Variants in KIAA0319L observed in about 807,000 individuals in gnomAD.
KIAA0319L encodes KIAA0319 like.
A neutral mutation model predicts 120.1 loss-of-function variants in KIAA0319L; 55 were observed. The observed-to-expected ratio is 0.46, with a 90% CI of 0.37 to 0.57. The LOEUF (loss-of-function observed/expected upper bound fraction) is 0.57, where lower values mean the gene tolerates loss of function less well. Among genes scored for constraint, KIAA0319L ranks in the 20% least tolerant of loss-of-function variants. The pLI, the probability that KIAA0319L is intolerant of heterozygous loss-of-function variation, is 0.00. For synonymous variants in KIAA0319L, 398 were observed against 471.9 expected (o/e 0.84, Z 2.03); for missense variants, 1,049 against 1,255.3 (o/e 0.84, Z 2.48).
At chr1:35,535,629 C>A (rs973133013) in intron 2 of KIAA0319L, among the ~76,000 whole-genome samples, 1 of 152,060 alleles carries the variant, frequency 6.6e-6, no homozygotes, top group Non-Finnish European at 1.5e-5. Flanking sequence ...TTAACATGAG[C>A]CTGGCATATA....
chr1:35,495,841 G>C (rs1308262754), intron 3 of KIAA0319L, among the ~76,000 whole-genome samples: 5 of 138,936 alleles, frequency 3.6e-5, no homozygotes, highest in Non-Finnish European at 7.5e-5. Context: ...TTTTAAAAAT[G>C]GGGAAAAATA....
chr1:35,472,786 C>CT lies in KIAA0319L; in HGVS notation c.1016-1827dup, dbSNP rs760880560. On this transcript the variant is annotated intron_variant, in intron 5 of 20. Transcript: ENST00000325722. ...GGACAGGAGAAAATAATCTATTTCC[C>CT]TTTTTTTTTTTTTTTTTAATGAGAT... Among the ~76,000 whole-genome samples the CT allele has an allele frequency of 5.1e-3, 712 of 139,180 alleles. 2 individuals carry two copies. Among genetic ancestry groups the CT allele is most frequent in the African/African-American group, 7.5e-3 (287 of 38,088 alleles). The allele number at this position is 139,180 out of a possible 152,430, so 91.3% of individuals were successfully genotyped here.
At chr1:35,439,867 A>C (rs1321315194) in intron 20 of KIAA0319L, 1 of 152,218 alleles carries the variant, frequency 6.6e-6, no homozygotes, top group Non-Finnish European at 1.5e-5. Context: ...GAGATCAGCA[A>C]AGAGAAAGAT....
intron 3 of KIAA0319L, among the ~76,000 whole-genome samples, chr1:35,504,341 C>G (rs768823830): frequency 2.6e-5 from 4 of 151,978 alleles, no homozygotes; most frequent in Non-Finnish European, 5.9e-5. Context: ...GGACTACAGG[C>G]GCCTGCCACC....
rs559698135 is a variant in KIAA0319L, at chr1:35,541,307, C to T, written c.142+13043G>A. 2.8e-4 allele frequency among the ~76,000 whole-genome samples: 42 copies of T among 150,494 alleles called. No homozygotes were observed. In the South Asian group the frequency reaches 7.2e-3, roughly 26 times the overall value. The stretch of plus-strand genomic sequence containing the variant: ...ATAAATATGTTTTGAAGGAAGGAAG[C>T]ACAGGACAAACTCTGCAAGCTACTT... On this transcript the variant is annotated intron_variant, in intron 2 of 20. Coordinates refer to ENST00000325722, the MANE Select transcript of KIAA0319L (RefSeq NM_024874.5).
intron 2 of KIAA0319L, among the ~76,000 whole-genome samples, chr1:35,513,372 T>C (rs1645554055): frequency 6.7e-6 from 1 of 149,058 alleles, no homozygotes; most frequent in South Asian, 2.1e-4. Context: ...CCCAGCACTT[T>C]GGAAAGCTGA....
chr1:35,525,485 T>C (rs1393237868), intron 2 of KIAA0319L, among the ~76,000 whole-genome samples: 1 of 152,204 alleles, frequency 6.6e-6, no homozygotes, highest in Non-Finnish European at 1.5e-5. Context: ...GAGAGTTCTC[T>C]TTTTTCCGCA....
At chr1:35,551,724 G>A (rs971776725) in intron 2 of KIAA0319L, among the ~76,000 whole-genome samples, 4 of 152,038 alleles carry the variant, frequency 2.6e-5, no homozygotes, top group Non-Finnish European at 4.4e-5. Flanking sequence ...TTGCTTGCAT[G>A]TTCCCTCAAT....
chr1:35,493,785 C>T (rs13376516), intron 3 of KIAA0319L, among the ~76,000 whole-genome samples: 5,924 of 151,818 alleles, frequency 0.039, 391 homozygotes, highest in African/African-American at 0.13. Flanking sequence ...GTCATGGCTG[C>T]AGAGAGCCGA....
chr1:35,492,322 T>A (rs1278849523), intron 3 of KIAA0319L, among the ~76,000 whole-genome samples: 2 of 152,026 alleles, frequency 1.3e-5, no homozygotes, highest in African/African-American at 4.8e-5. Context: ...AAGACCAGCC[T>A]GACCAATATG....
chr1:35,513,288 A>ATATTTTTTT (rs1414704674), intron 2 of KIAA0319L, among the ~76,000 whole-genome samples: 1 of 85,338 alleles, frequency 1.2e-5, no homozygotes, highest in African/African-American at 4.3e-5. Context: ...ATATATATAT[A>ATATTTTTTT]TTTTTTTTTT....
intron 3 of KIAA0319L, among the ~76,000 whole-genome samples, chr1:35,505,654 T>C (rs755044072): frequency 5.3e-5 from 8 of 152,220 alleles, no homozygotes; most frequent in Admixed American, 1.3e-4. Context: ...TAAATGTTTA[T>C]GGGCATATTA....
At chr1:35,508,275 A>C (rs1645283619) in intron 2 of KIAA0319L, among the ~76,000 whole-genome samples, 1 of 152,134 alleles carries the variant, frequency 6.6e-6, no homozygotes, top group African/African-American at 2.4e-5. Context: ...TGGGCTTATA[A>C]CATAAAATAT....
At chr1:35,442,162 C>T in intron 19 of KIAA0319L, 84 bp downstream of exon 19, 1 of 1,019,132 alleles carries the variant, frequency 9.8e-7, no homozygotes, top group Non-Finnish European at 1.6e-6. Flanking sequence ...CCAGTCCTTC[C>T]ACGTGGAAGG....
At chr1:35,435,116 C>T (rs1279268525) in intron 20 of KIAA0319L, 35 bp from the exon 21 acceptor site, 3 of 1,598,132 alleles carry the variant, frequency 1.9e-6, no homozygotes, top group South Asian at 1.1e-5. Flanking sequence ...CATCAGGAGA[C>T]TGGCCTCAAG....
intron 7 of KIAA0319L, among the ~76,000 whole-genome samples, chr1:35,464,594 C>T (rs1643125043): frequency 6.6e-6 from 1 of 152,158 alleles, no homozygotes; most frequent in African/African-American, 2.4e-5. Context: ...AAAACAAAAT[C>T]CCATTTTCTA....
intron 2 of KIAA0319L, among the ~76,000 whole-genome samples, chr1:35,548,887 C>T (rs1260451540): frequency 1.3e-5 from 2 of 152,138 alleles, no homozygotes; most frequent in Non-Finnish European, 2.9e-5. Flanking sequence ...ATTCCCATTG[C>T]ATGGGAATAC....
At chr1:35,514,167 T>C (rs1645584304) in intron 2 of KIAA0319L, among the ~76,000 whole-genome samples, 2 of 152,094 alleles carry the variant, frequency 1.3e-5, no homozygotes, top group Non-Finnish European at 1.5e-5. Flanking sequence ...AAGATCATTA[T>C]AAAGACCAGG....
At chr1:35,450,304 T>TG (rs1204456684) in intron 14 of KIAA0319L, 54 bp downstream of exon 14, 1 of 1,552,806 alleles carries the variant, frequency 6.4e-7, no homozygotes, top group Non-Finnish European at 8.8e-7. Context: ...CTGGAACGCG[T>TG]GGCTCCTCCT....
Sources: gnomAD v4.1 joint callset for allele counts (sites outside exome capture counted in the v4.1 genomes callset) on GRCh38, gnomAD v4.1.1 for gene constraint, MANE v1.5 for transcripts, NCBI Gene and HGNC (gene_info 2026-07-23, HGNC 2026-07-21) for gene names.